The following CPT1C variants were observed in gnomAD, a reference collection of about 807,000 sequenced individuals.
The protein encoded by CPT1C is palmitoyl thioesterase CPT1C.
Under a neutral mutation model 97.3 loss-of-function variants are expected in CPT1C, and 61 were observed. The ratio of observed to expected loss-of-function variants is 0.63; its 90% confidence interval spans 0.51 to 0.78. CPT1C has a LOEUF of 0.78. Ranked by LOEUF, CPT1C falls within the 30% of genes least tolerant of loss-of-function variation. The pLI is 0.00. For synonymous variants in CPT1C, 469 were observed against 447.2 expected, an observed-to-expected ratio of 1.05 and a Z score of -0.61; for missense variants, 975 against 1,065.5, an observed-to-expected ratio of 0.92 and a Z score of 1.18.
intron 9 of CPT1C, 40 bp from the exon 10 acceptor site, chr19:49,705,174 G>GT: frequency 6.2e-7 from 1 of 1,613,660 alleles, no homozygotes; most frequent in Admixed American, 1.7e-5. Flanking sequence ...TGGGCCACGT[G>GT]GGTCCTGGAA....
intron 10 of CPT1C, among the ~76,000 whole-genome samples, chr19:49,705,513 C>A (rs993937619): frequency 6.6e-6 from 1 of 152,142 alleles, no homozygotes; most frequent in Non-Finnish European, 1.5e-5. Flanking sequence ...GTAATCCCAG[C>A]ACTTTGTGGG....
chr19:49,692,358 C>G lies in CPT1C; in HGVS notation c.106C>G (p.Leu36Val), dbSNP rs1366447328. 6.2e-7 allele frequency: 1 copy of G among 1,614,136 alleles called. No homozygotes were observed. The highest frequency in any genetic ancestry group is 1.3e-5 in the African/African-American group (1 of 75,040). ...PVLQEIYLSGLRSWKRHLSRF... is the reference protein window; with the variant it reads ...PVLQEIYLSGVRSWKRHLSRF... ...GCTGCAGGAGATCTACCTCTCTGGC[C>G]TGCGCTCCTGGAAAAGGCATCTCTC... is the stretch of plus-strand genomic sequence containing the variant. Residue 36 changes from leucine (L) to valine (V), a missense_variant, in exon 3 of 20, where the codon CTG becomes GTG. Physicochemically the swap from Leu to Val is conservative, Grantham distance 32. Around this residue, in one of 3 missense-constraint regions of CPT1C, gnomAD observed 596 missense variants for 603.1 expected, o/e 0.99. Transcript: ENST00000598293.
intron 4 of CPT1C, among the ~76,000 whole-genome samples, chr19:49,700,215 C>T (rs929995244): frequency 2.6e-5 from 4 of 151,616 alleles, no homozygotes; most frequent in Non-Finnish European, 5.9e-5. Context: ...CCACAGCACT[C>T]CAGCCTGGGC....
chr19:49,708,598 CAG>C (rs1194349913), intron 13 of CPT1C, 123 bp from the exon 14 acceptor site: 3 of 753,816 alleles, frequency 4.0e-6, no homozygotes, highest in Non-Finnish European at 7.2e-6. Context: ...CTGTGAATAT[CAG>C]AGGTTTCTGT....
chr19:49,703,747 C>T (rs1166317731), intron 7 of CPT1C, among the ~76,000 whole-genome samples: 1 of 151,918 alleles, frequency 6.6e-6, no homozygotes, highest in Non-Finnish European at 1.5e-5. Flanking sequence ...ATCCTCCCAT[C>T]TCAGCCTCCT....
rs569517565 is a variant in CPT1C, at chr19:49,709,698, G to A, written c.1567-622G>A. Among the ~76,000 whole-genome samples the A allele has an allele frequency of 4.0e-5, 6 of 151,770 alleles. No individual in the cohort carries two copies. The South Asian group carries it at 1.2e-3, about 32-fold the overall frequency. ...GCCTCCTGAGGAGCTGGGATTACAG[G>A]TGCCCACTACCACACCCGGCTAAAT... On this transcript the variant is annotated intron_variant, in intron 14 of 19. Transcript: ENST00000598293.
intron 13 of CPT1C, among the ~76,000 whole-genome samples, 187 bp downstream of exon 13, chr19:49,707,810 G>A (rs1399620093): frequency 6.6e-6 from 1 of 151,638 alleles, no homozygotes; most frequent in Non-Finnish European, 1.5e-5. Flanking sequence ...AGACCAGCCT[G>A]GCCAACATAG....
Position 49,701,397 on chromosome 19 carries a change from T to A in CPT1C, c.534T>A (p.Ser178=). The change falls in exon 6 of 20, where the codon TCT becomes TCA. Residue 178 remains serine (S), a synonymous_variant. Transcript: ENST00000598293. ...QRSLPRQPVP[S]VQDTVRKYLE... Reference sequence around the variant, plus strand: ...CCCTGCCACGCCAGCCCGTGCCCTCTGTGCAGGACACCGTGCGCAAGGTGG... The same window carrying A: ...CCCTGCCACGCCAGCCCGTGCCCTCAGTGCAGGACACCGTGCGCAAGGTGG... 2 of 1,612,916 alleles carry A rather than the reference T, an allele frequency of 1.2e-6. No homozygotes were observed. Among genetic ancestry groups the A allele is most frequent in the Non-Finnish European group, 8.5e-7 (1 of 1,179,476 alleles).
At chr19:49,705,533 G>A (rs1028816277) in intron 10 of CPT1C, among the ~76,000 whole-genome samples, 3 of 152,154 alleles carry the variant, frequency 2.0e-5, no homozygotes, top group Admixed American at 1.3e-4. Flanking sequence ...GGCCGAGGTG[G>A]ACAATTGCTT....
intron 14 of CPT1C, among the ~76,000 whole-genome samples, chr19:49,709,820 T>C (rs1308137468): frequency 1.3e-5 from 2 of 150,870 alleles, no homozygotes; most frequent in Non-Finnish European, 2.9e-5. Flanking sequence ...TCTCCCAAAG[T>C]GTTGGGATTA....
chr19:49,706,043 G>C lies in CPT1C; in HGVS notation c.1099G>C (p.Asp367His). The change falls in exon 11 of 20, where the codon GAT becomes CAT. Residue 367 changes from aspartate to histidine, a missense_variant. Asp to His is a moderately conservative substitution (Grantham distance 81). Around this residue, in one of 3 missense-constraint regions of CPT1C, gnomAD observed 596 missense variants for 603.1 expected, o/e 0.99. Coordinates refer to ENST00000598293, the MANE Select transcript of CPT1C (RefSeq NM_001199753.2). The surrounding 1 kb of genome is among the most constrained non-coding windows in gnomAD (Gnocchi z 4.8). ...GGAGCAGCAGTTTCAGAGAATCCTG[G>C]ATGATCCCTCACCGGCCTGCCCCCA... Reference protein sequence around the residue: ...ALEQQFQRILDDPSPACPHEE... With the variant: ...ALEQQFQRILHDPSPACPHEE... 1 of 1,613,954 alleles carries C rather than the reference G, an allele frequency of 6.2e-7. No individual in the cohort carries two copies. Among genetic ancestry groups the C allele is most frequent in the African/African-American group, 1.3e-5 (1 of 74,988 alleles).
rs775728240 is a variant in CPT1C, at chr19:49,697,300, C to G, written c.142-26C>G. 5 of 1,613,244 alleles carry G rather than the reference C, an allele frequency of 3.1e-6. No homozygotes were observed. The Admixed American group carries it at 8.3e-5, about 27-fold the overall frequency. The stretch of plus-strand genomic sequence containing the variant: ...GGCTCAGAGGAGAGGGCAGATGATT[C>G]AATGGATGCCCTTTCCTCCCCACAG... On this transcript the variant is annotated intron_variant, in intron 3 of 19. Transcript: ENST00000598293.
intron 7 of CPT1C, among the ~76,000 whole-genome samples, chr19:49,703,969 GAC>G (rs1242400603): frequency 6.6e-6 from 1 of 151,888 alleles, no homozygotes; most frequent in Non-Finnish European, 1.5e-5. Flanking sequence ...AACTGCCAGT[GAC>G]ACACGCACCA....
At chr19:49,698,271 G>A (rs2082784003) in intron 4 of CPT1C, among the ~76,000 whole-genome samples, 1 of 151,864 alleles carries the variant, frequency 6.6e-6, no homozygotes, top group South Asian at 2.1e-4. Flanking sequence ...GGAGGCTGAG[G>A]TGGAGATCAC....
At chr19:49,704,588 C>A in intron 7 of CPT1C, 122 bp from the exon 8 acceptor site, 2 of 728,490 alleles carry the variant, frequency 2.7e-6, no homozygotes, top group South Asian at 1.6e-5. Context: ...ACTACGATGG[C>A]TGACTTCTTT....
At chr19:49,697,114 C>A (rs186756843) in intron 3 of CPT1C, among the ~76,000 whole-genome samples, 2 of 152,284 alleles carry the variant, frequency 1.3e-5, no homozygotes, top group Non-Finnish European at 2.9e-5. Flanking sequence ...GCACAGGGCT[C>A]CTCCTATTTC....
Position 49,704,797 on chromosome 19 carries a change from G to A in CPT1C, c.771+10G>A. ...CAACTATTACATGATGGTGAGAAGG[G>A]GAGGGGTGAGGTTCATAGGCCCCAG... On this transcript the variant is annotated intron_variant, in intron 8 of 19. Coordinates refer to ENST00000598293, the MANE Select transcript of CPT1C (RefSeq NM_001199753.2). 2 of 1,613,346 alleles carry A rather than the reference G, an allele frequency of 1.2e-6. No individual in the cohort carries two copies. The highest frequency in any genetic ancestry group is 2.7e-5 in the African/African-American group (2 of 75,024).
intron 10 of CPT1C, 102 bp downstream of exon 10, chr19:49,705,400 T>C: frequency 2.0e-6 from 2 of 988,294 alleles, no homozygotes; most frequent in Non-Finnish European, 3.0e-6. Context: ...CATTGCTTCC[T>C]TGCTGTGTGA....
chr19:49,707,471 C>G (rs1288566255), intron 12 of CPT1C, 47 bp from the exon 13 acceptor site: 2 of 1,377,398 alleles, frequency 1.5e-6, no homozygotes, highest in East Asian at 2.3e-5. Flanking sequence ...ACTCTGAGGT[C>G]CCCGTGCCCC....
Sources: allele counts gnomAD v4.1 joint callset (sites outside exome capture counted in the v4.1 genomes callset), GRCh38; gene constraint gnomAD v4.1.1; regional missense constraint gnomAD v4.1.1; non-coding constraint Gnocchi (gnomAD v3.1); transcripts MANE v1.5; gene names NCBI Gene and HGNC (gene_info 2026-07-23, HGNC 2026-07-21).